Variants in GPHN observed in about 807,000 individuals in gnomAD.
GPHN encodes gephyrin.
GPHN carries 17 observed loss-of-function variants against 95.5 expected under a neutral mutation model. The observed-to-expected ratio is 0.18, with a 90% CI of 0.12 to 0.27. The LOEUF (loss-of-function observed/expected upper bound fraction) is 0.27, where lower values mean the gene tolerates loss of function less well. Ranked by LOEUF, GPHN falls within the 10% of genes least tolerant of loss-of-function variation. The pLI is 1.00. For missense variants in GPHN, 660 were observed against 978.1 expected, an observed-to-expected ratio of 0.67 and a Z score of 4.34; for synonymous variants, 320 against 322.5, an observed-to-expected ratio of 0.99 and a Z score of 0.08.
the GPHN span, chr14:67,541,828 T>G: frequency 6.5e-7 from 1 of 1,537,732 alleles, no homozygotes; most frequent in Non-Finnish European, 8.8e-7. Flanking sequence ...GCATGCTGGT[T>G]CTTAGGGCTC....
chr14:67,578,288 T>A, the GPHN span: 13 of 1,203,208 alleles, frequency 1.1e-5, no homozygotes, highest in Admixed American at 3.6e-5. The surrounding 1 kb of genome is among the most constrained non-coding windows in gnomAD (Gnocchi z 5.0). Flanking sequence ...TGGGCAGGTA[T>A]ACGGTGAGCC....
chr14:67,132,749 C>T (rs2153698308), intron 17 of GPHN, among the ~76,000 whole-genome samples: 1 of 151,962 alleles, frequency 6.6e-6, no homozygotes, highest in South Asian at 2.1e-4. Flanking sequence ...TGTTTTCCTA[C>T]CCCAAACTCA....
At chr14:67,588,374 C>T in the GPHN span, 1 of 152,706 alleles carries the variant, frequency 6.5e-6, no homozygotes, top group East Asian at 1.9e-4. Flanking sequence ...AAGACTATTT[C>T]AGGCATGTGG....
the GPHN span, among the ~76,000 whole-genome samples, chr14:67,423,733 T>C: frequency 6.6e-6 from 1 of 152,156 alleles, no homozygotes; most frequent in South Asian, 2.1e-4. Flanking sequence ...TAATATTTCT[T>C]CCATCTCACT....
the GPHN span, chr14:67,722,597 A>C: frequency 1.3e-6 from 2 of 1,552,596 alleles, no homozygotes; most frequent in South Asian, 2.2e-5. Context: ...CTGGGGTTGA[A>C]GCTGGAGCAG....
chr14:66,519,237 A>G (rs1429934078), intron 1 of GPHN, among the ~76,000 whole-genome samples: 1 of 152,076 alleles, frequency 6.6e-6, no homozygotes, highest in Non-Finnish European at 1.5e-5. Flanking sequence ...ATGTAATAAT[A>G]CAGAAAGGTA....
At chr14:67,223,797 C>T in the GPHN span, 4 of 985,402 alleles carry the variant, frequency 4.1e-6, no homozygotes, top group African/African-American at 1.8e-5. Flanking sequence ...CATTTCTTTC[C>T]CCATTTTCAC....
At chr14:67,205,068 C>T in the GPHN span, 1 of 1,550,652 alleles carries the variant, frequency 6.4e-7, no homozygotes, top group South Asian at 1.2e-5. Context: ...ATGACTTAAT[C>T]AGGGCCAAGC....
chr14:67,412,257 G>A, the GPHN span: 2 of 469,046 alleles, frequency 4.3e-6, no homozygotes, highest in Admixed American at 4.5e-5. Context: ...GATTTCTGAC[G>A]TGACGTTTCC....
At chr14:67,349,082 T>G in the GPHN span, 6 of 1,614,134 alleles carry the variant, frequency 3.7e-6, no homozygotes, top group Non-Finnish European at 5.1e-6. Flanking sequence ...TGCGCTTTAT[T>G]GACATTTTGG....
intron 9 of GPHN, among the ~76,000 whole-genome samples, chr14:66,983,988 C>T (rs980285159): frequency 1.8e-4 from 27 of 152,090 alleles, no homozygotes; most frequent in African/African-American, 6.3e-4. Flanking sequence ...TCATCAACTT[C>T]CAGTGTAACC....
the GPHN span, chr14:67,390,752 G>A: frequency 6.3e-7 from 1 of 1,598,158 alleles, no homozygotes; most frequent in East Asian, 2.2e-5. Flanking sequence ...TGTCCCTGAG[G>A]CAAAGAAATG....
intron 3 of GPHN, among the ~76,000 whole-genome samples, chr14:66,795,997 C>G (rs961002442): frequency 1.3e-5 from 2 of 152,158 alleles, no homozygotes; most frequent in African/African-American, 4.8e-5. Context: ...TCTACCCTTC[C>G]TAGCCTCTGG....
intron 2 of GPHN, among the ~76,000 whole-genome samples, chr14:66,731,679 T>C (rs1595720201): frequency 6.6e-6 from 1 of 152,106 alleles, no homozygotes; most frequent in Non-Finnish European, 1.5e-5. Flanking sequence ...TTGAAGCCCA[T>C]TGTAGAAATT....
At chr14:67,712,501 A>AAAAAAAAAAAAAAAAAAAAC in the GPHN span, among the ~76,000 whole-genome samples, 1 of 130,622 alleles carries the variant, frequency 7.7e-6, no homozygotes, top group African/African-American at 4.2e-5. Flanking sequence ...TGCAAAAAAA[A>AAAAAAAAAAAAAAAAAAAAC]AAAAAAAAAA....
chr14:66,681,025 C>A (rs1366691156), intron 1 of GPHN, 82 bp from the exon 2 acceptor site: 5 of 775,248 alleles, frequency 6.4e-6, no homozygotes, highest in East Asian at 2.6e-5. Flanking sequence ...TTTTTCATTT[C>A]AAAATGTCTT....
the GPHN span, among the ~76,000 whole-genome samples, chr14:67,716,663 G>A: frequency 1.3e-5 from 2 of 152,066 alleles, no homozygotes; most frequent in Admixed American, 6.5e-5. Flanking sequence ...GCCAGCATAC[G>A]ACTTGAGGCC....
At chr14:67,560,501 T>C in the GPHN span, among the ~76,000 whole-genome samples, 2 of 152,218 alleles carry the variant, frequency 1.3e-5, no homozygotes, top group Admixed American at 6.5e-5. Flanking sequence ...ACAGAAACTC[T>C]GTACCTGCTA....
intron 1 of GPHN, among the ~76,000 whole-genome samples, chr14:66,612,180 G>A (rs1190734498): frequency 6.6e-6 from 1 of 151,888 alleles, no homozygotes; most frequent in Non-Finnish European, 1.5e-5. Flanking sequence ...CAATTGTAAT[G>A]ACTTTTCCAT....
Sources: allele counts gnomAD v4.1 joint callset (sites outside exome capture counted in the v4.1 genomes callset), GRCh38; gene constraint gnomAD v4.1.1; non-coding constraint Gnocchi (gnomAD v3.1); transcripts MANE v1.5; gene names NCBI Gene and HGNC (gene_info 2026-07-23, HGNC 2026-07-21).